PRRC2C: variants seen among roughly 807,000 people sequenced by gnomAD.
PRRC2C encodes proline rich coiled-coil 2C.
A neutral mutation model predicts 317.2 loss-of-function variants in PRRC2C; 72 were observed. The ratio of observed to expected loss-of-function variants is 0.23; its 90% CI spans 0.19 to 0.28. The LOEUF is 0.28. PRRC2C is among the 10% of genes least tolerant of loss of function. PRRC2C has a pLI of 1.00. For synonymous variants in PRRC2C, 1,296 were observed against 1,205.9 expected (o/e 1.07, Z -1.55); for missense variants, 3,074 against 3,459.7 (o/e 0.89, Z 2.80).
At chr1:171,530,057 T>C (rs952387403) in intron 11 of PRRC2C, among the ~76,000 whole-genome samples, 1 of 152,114 alleles carries the variant, frequency 6.6e-6, no homozygotes, top group Non-Finnish European at 1.5e-5. Context: ...GAAAAAAGTA[T>C]AGAAGATCAA....
intron 3 of PRRC2C, 77 bp downstream of exon 3, chr1:171,513,249 G>T: frequency 7.2e-7 from 1 of 1,386,546 alleles, no homozygotes; most frequent in Non-Finnish European, 9.8e-7. Flanking sequence ...CCTGCTATTT[G>T]CTAAGTGTTA....
rs776130954 is a variant in PRRC2C, at chr1:171,541,472, C to A, written c.4006C>A (p.Leu1336Ile). Residue 1336 changes from leucine to isoleucine, a missense_variant, in exon 16 of 35, where the codon CTT becomes ATT. By Grantham distance (5) the Leu-to-Ile change is conservative. Transcript: ENST00000647382. The surrounding 1 kb of genome is among the most constrained non-coding windows in gnomAD (Gnocchi z 4.1). ...TGACGATAAAGCTAAACCAGGCTTTCTTCCTAAAGGAGAGCCTACAAGGAG... is the reference window on the plus strand; with the variant it reads ...TGACGATAAAGCTAAACCAGGCTTTATTCCTAAAGGAGAGCCTACAAGGAG... ...RDDDKAKPGFLPKGEPTRRGR... is the reference protein window; with the variant it reads ...RDDDKAKPGFIPKGEPTRRGR... 26 of 1,613,674 alleles carry A rather than the reference C, an allele frequency of 1.6e-5. No individual in the cohort carries two copies. In the African/African-American group the frequency reaches 2.9e-4, roughly 18 times the overall value.
intron 18 of PRRC2C, among the ~76,000 whole-genome samples, chr1:171,554,509 TATG>T (rs1399763495): frequency 1.3e-5 from 2 of 152,328 alleles, no homozygotes; most frequent in Non-Finnish European, 1.5e-5. Flanking sequence ...ATCCTGTCAT[TATG>T]ATGTTAGCTG....
intron 18 of PRRC2C, among the ~76,000 whole-genome samples, chr1:171,553,330 C>G (rs188939901): frequency 6.6e-6 from 1 of 151,880 alleles, no homozygotes; most frequent in South Asian, 2.1e-4. Flanking sequence ...ATTTTTATTG[C>G]GTCTATTTGA....
chr1:171,524,347 G>A (rs1674165007), intron 9 of PRRC2C, among the ~76,000 whole-genome samples: 2 of 152,242 alleles, frequency 1.3e-5, no homozygotes, highest in South Asian at 4.1e-4. Flanking sequence ...TGGAAGTTTG[G>A]AAGCACATTT....
chr1:171,502,281 T>C (rs1007773485), intron 1 of PRRC2C, among the ~76,000 whole-genome samples: 10 of 152,226 alleles, frequency 6.6e-5, no homozygotes, highest in African/African-American at 2.4e-4. Context: ...TAGAGACACT[T>C]GGGGAACTTT....
chr1:171,516,308 A>T (rs1488017622), intron 5 of PRRC2C, among the ~76,000 whole-genome samples: 1 of 152,328 alleles, frequency 6.6e-6, no homozygotes, highest in Middle Eastern at 3.4e-3. Flanking sequence ...AACTAAAAAT[A>T]AAAGTGTAAA....
rs541624876 is a variant in PRRC2C at position 171,518,296 on chromosome 1, C to G, written c.750+482C>G. Reference sequence around the variant, plus strand: ...TAACATTCTGTTTAATATAATTGTTCTTCTTTGCAATATTTTTGTATTTTA... The same window carrying G: ...TAACATTCTGTTTAATATAATTGTTGTTCTTTGCAATATTTTTGTATTTTA... On this transcript the variant is annotated intron_variant, in intron 6 of 34. Transcript: ENST00000647382. Among the ~76,000 whole-genome samples the G allele has an allele frequency of 3.9e-5, 6 of 152,058 alleles. No homozygotes were observed. The East Asian group carries it at 7.7e-4, about 20-fold the overall frequency.
chr1:171,534,980 A>G (rs1676549595), intron 12 of PRRC2C, among the ~76,000 whole-genome samples: 1 of 152,212 alleles, frequency 6.6e-6, no homozygotes, highest in South Asian at 2.1e-4. Flanking sequence ...TTCCTTACAG[A>G]TAATAGTCCC....
chr1:171,572,411 T>C (rs775403829), intron 24 of PRRC2C, among the ~76,000 whole-genome samples: 1 of 152,252 alleles, frequency 6.6e-6, no homozygotes, highest in Non-Finnish European at 1.5e-5. Context: ...ATCTCTTTGA[T>C]GATCTTCAGT....
Position 171,523,407 on chromosome 1 carries a change from C to A in PRRC2C, c.968-28C>A, listed in dbSNP as rs1489930868. On this transcript the variant is annotated intron_variant, in intron 8 of 34. Transcript: ENST00000647382. Reference sequence around the variant, plus strand: ...TAAATTGTTAGATGCTTTCAAGCAGCCAGTCTGAGTTTTCCTTAATTTAAT... The same window carrying A: ...TAAATTGTTAGATGCTTTCAAGCAGACAGTCTGAGTTTTCCTTAATTTAAT... 12 of 1,613,426 alleles carry A rather than the reference C, an allele frequency of 7.4e-6. No individual in the cohort carries two copies. In the African/African-American group the frequency reaches 1.5e-4, roughly 20 times the overall value.
intron 15 of PRRC2C, among the ~76,000 whole-genome samples, chr1:171,539,486 A>G (rs190738310): frequency 1.3e-5 from 2 of 152,136 alleles, no homozygotes; most frequent in South Asian, 2.1e-4. Flanking sequence ...ACCTTTACCT[A>G]TATTTCCTAT....
At chr1:171,543,133 G>A (rs1174812435) in intron 16 of PRRC2C, among the ~76,000 whole-genome samples, 1 of 150,316 alleles carries the variant, frequency 6.7e-6, no homozygotes, top group Non-Finnish European at 1.5e-5. Flanking sequence ...ACTTTGGGAG[G>A]CCAAGTTGGG....
chr1:171,590,057 T>A (rs1245735564), intron 34 of PRRC2C, among the ~76,000 whole-genome samples: 3 of 151,524 alleles, frequency 2.0e-5, no homozygotes, highest in Non-Finnish European at 4.4e-5. Context: ...CAGCTTAAAA[T>A]GTAAATCATG....
intron 17 of PRRC2C, among the ~76,000 whole-genome samples, chr1:171,547,646 G>GGT (rs1679383507): frequency 8.7e-6 from 1 of 115,072 alleles, no homozygotes; most frequent in African/African-American, 3.4e-5. Flanking sequence ...TTTTTTTTTT[G>GGT]TTTTTTTTTT....
intron 19 of PRRC2C, 131 bp from the exon 20 acceptor site, chr1:171,560,887 T>C: frequency 1.3e-6 from 1 of 775,714 alleles, no homozygotes; most frequent in Non-Finnish European, 2.3e-6. Flanking sequence ...GTAAGTCTGA[T>C]TTGAAAAGTG....
intron 18 of PRRC2C, among the ~76,000 whole-genome samples, chr1:171,551,697 A>C (rs1462076069): frequency 3.3e-5 from 5 of 152,198 alleles, no homozygotes; most frequent in Admixed American, 3.3e-4. Flanking sequence ...CAGTTTTCCC[A>C]GCACCATTTA....
intron 1 of PRRC2C, among the ~76,000 whole-genome samples, chr1:171,499,502 A>T (rs1668699275): frequency 6.6e-6 from 1 of 152,174 alleles, no homozygotes; most frequent in African/African-American, 2.4e-5. Flanking sequence ...TAGAAAAGGG[A>T]GAGATGGGCC....
intron 28 of PRRC2C, among the ~76,000 whole-genome samples, chr1:171,581,395 T>C (rs1476565998): frequency 6.6e-6 from 1 of 152,220 alleles, no homozygotes; most frequent in Non-Finnish European, 1.5e-5. Flanking sequence ...GTACAGTGAT[T>C]AATTAGTAAT....
Sources: gnomAD v4.1 joint callset for allele counts (sites outside exome capture counted in the v4.1 genomes callset) on GRCh38, gnomAD v4.1.1 for gene constraint, Gnocchi (gnomAD v3.1) non-coding constraint, MANE v1.5 for transcripts, NCBI Gene and HGNC (gene_info 2026-07-23, HGNC 2026-07-21) for gene names.